The following KDM2B variants were observed in gnomAD, a reference collection of about 807,000 sequenced individuals.
KDM2B encodes the protein lysine demethylase 2B, also known as lysine-specific demethylase 2B.
A neutral mutation model predicts 150.0 loss-of-function variants in KDM2B; 26 were observed. The observed-to-expected ratio is 0.17, with a 90% confidence interval of 0.13 to 0.24. The LOEUF is 0.24. Ranked by LOEUF, KDM2B falls within the 10% of genes least tolerant of loss-of-function variation. The pLI, the probability that KDM2B is intolerant of heterozygous loss-of-function variation, is 1.00. For missense variants in KDM2B, 1,265 were observed against 1,816.9 expected (o/e 0.70, Z 5.52); for synonymous variants, 734 against 729.5 (o/e 1.01, Z -0.10).
chr12:121,448,385 T>G (rs1473995392), intron 13 of KDM2B, among the ~76,000 whole-genome samples: 2 of 145,756 alleles, frequency 1.4e-5, no homozygotes, highest in Non-Finnish European at 3.0e-5. Flanking sequence ...TCCTCTCACA[T>G]CAAACTCAGT....
At chr12:121,576,514 G>C (rs560158036) in intron 2 of KDM2B, among the ~76,000 whole-genome samples, 6 of 152,260 alleles carry the variant, frequency 3.9e-5, no homozygotes, top group Admixed American at 3.3e-4. Context: ...CTGGATAACC[G>C]GGAGGGAGGC....
At position 121,509,752 on chromosome 12, in the gene KDM2B, C is replaced by T. The variant is rs201860652; in HGVS notation, c.1462G>A (p.Val488Ile). The change falls in exon 11 of 23, where the codon GTA becomes ATA. Residue 488 changes from valine (V) to isoleucine (I), a missense_variant. By Grantham distance (29) the Val-to-Ile change is conservative (BLOSUM62 3). Transcript: ENST00000377071. ...CCGGTGGGGGTCTTGGGGTAGTCTA[C>T]GGCCAATGTGGTGGACTTCACACTT... ...EESVKSTTLA[V>I]DYPKTPTGSP... is the part of the protein sequence containing the mutation. The T allele has an allele frequency of 8.1e-6, 13 of 1,614,106 alleles. No individual in the cohort carries two copies. The highest frequency in any genetic ancestry group is 5.3e-5 in the African/African-American group (4 of 75,034).
chr12:121,488,717 G>T (rs1177859144), intron 12 of KDM2B, among the ~76,000 whole-genome samples: 1 of 152,168 alleles, frequency 6.6e-6, no homozygotes, highest in Non-Finnish European at 1.5e-5. Flanking sequence ...CGCCTCCCAG[G>T]TTCAAGCAAT....
At chr12:121,482,025 C>A (rs570384941) in intron 12 of KDM2B, among the ~76,000 whole-genome samples, 5 of 152,262 alleles carry the variant, frequency 3.3e-5, no homozygotes, top group Admixed American at 1.3e-4. Context: ...AGGTGATCCA[C>A]CCGCCTCGGC....
intron 12 of KDM2B, among the ~76,000 whole-genome samples, chr12:121,463,861 T>A (rs1879452527): frequency 6.6e-6 from 1 of 151,996 alleles, no homozygotes; most frequent in Non-Finnish European, 1.5e-5. Context: ...ATAACCGGCA[T>A]GAGCCACTGT....
chr12:121,580,969 G>A lies in KDM2B; in HGVS notation c.-58C>T. ...ATTAGCTCGGCTTCCATACCTATAA[G>A]GACTGCCTAACTTTTAAACTCCCGG... is the stretch of plus-strand genomic sequence containing the variant. On this transcript the variant is annotated 5_prime_UTR_variant, in exon 1 of 23. Transcript: ENST00000377071. 1 of 1,584,626 alleles carries A rather than the reference G, an allele frequency of 6.3e-7. No individual in the cohort carries two copies. The highest frequency in any genetic ancestry group is 1.4e-5 in the African/African-American group (1 of 73,656).
Position 121,430,557 on chromosome 12 carries a change from C to T in KDM2B, c.3830-88G>A, listed in dbSNP as rs782533527. 1.2e-6 allele frequency: 1 copy of T among 841,250 alleles called. No homozygotes were observed. The highest frequency in any genetic ancestry group is 1.4e-5 in the South Asian group (1 of 70,604). 52.1% of individuals were successfully genotyped at this position (841,250 alleles called of 1,614,324 possible). On this transcript the variant is annotated intron_variant, in intron 22 of 22. Coordinates refer to ENST00000377071, the MANE Select transcript of KDM2B (RefSeq NM_032590.5). The surrounding 1 kb of genome is among the most constrained non-coding windows in gnomAD (Gnocchi z 4.4). ...AGACCCAGGCACTCAGCAGTGGGGA[C>T]AGGTCAGAGCTCTACATATTCCAGT... is the stretch of plus-strand genomic sequence containing the variant.
intron 3 of KDM2B, 48 bp from the exon 4 acceptor site, chr12:121,574,641 G>A (rs782063695): frequency 4.5e-6 from 7 of 1,571,344 alleles, no homozygotes; most frequent in Non-Finnish European, 6.1e-6. Context: ...AGAAACAACA[G>A]AGCTAGACTA....
intron 17 of KDM2B, chr12:121,443,397 G>A (rs186294852): frequency 6.9e-6 from 4 of 577,490 alleles, no homozygotes; most frequent in Admixed American, 3.1e-5. Context: ...GACTCCTGGC[G>A]CCACCTTGTG....
chr12:121,478,110 C>A (rs1881594190), intron 12 of KDM2B, among the ~76,000 whole-genome samples: 1 of 151,434 alleles, frequency 6.6e-6, no homozygotes, highest in Non-Finnish European at 1.5e-5. Flanking sequence ...CAACAAATAA[C>A]CCTCCCGCCT....
chr12:121,458,435 A>T (rs1026203571), intron 12 of KDM2B, among the ~76,000 whole-genome samples: 9 of 151,960 alleles, frequency 5.9e-5, no homozygotes, highest in Non-Finnish European at 7.4e-5. Context: ...ACTTTTCTGC[A>T]GAAATGGACA....
At chr12:121,448,489 G>A (rs190070903) in intron 13 of KDM2B, among the ~76,000 whole-genome samples, 3 of 152,008 alleles carry the variant, frequency 2.0e-5, no homozygotes, top group East Asian at 3.9e-4. Flanking sequence ...GCATGAAGGG[G>A]TCCCTGAGAC....
At chr12:121,482,665 T>C (rs1882289545) in intron 12 of KDM2B, among the ~76,000 whole-genome samples, 1 of 152,156 alleles carries the variant, frequency 6.6e-6, no homozygotes, top group Admixed American at 6.6e-5. Flanking sequence ...AGGAGTTACA[T>C]AAAGAACAAG....
At chr12:121,550,628 G>C (rs1889414137) in intron 4 of KDM2B, among the ~76,000 whole-genome samples, 1 of 152,122 alleles carries the variant, frequency 6.6e-6, no homozygotes, top group South Asian at 2.1e-4. Context: ...TGAATAGCTG[G>C]GATTACAGGC....
At chr12:121,486,395 G>A (rs1454141982) in intron 12 of KDM2B, among the ~76,000 whole-genome samples, 1 of 120,314 alleles carries the variant, frequency 8.3e-6, no homozygotes, top group Non-Finnish European at 1.6e-5. Context: ...TGGCCAGGCT[G>A]GTCTTGAACT....
chr12:121,474,290 G>T (rs574776768), intron 12 of KDM2B, among the ~76,000 whole-genome samples: 1 of 151,952 alleles, frequency 6.6e-6, no homozygotes, highest in Non-Finnish European at 1.5e-5. Flanking sequence ...GAGGTGGGCA[G>T]ATCACGAGGT....
At chr12:121,516,703 C>A in intron 9 of KDM2B, 1 of 628,042 alleles carries the variant, frequency 1.6e-6, no homozygotes, top group Non-Finnish European at 2.8e-6. Flanking sequence ...CGGCACCTGG[C>A]CTCAGCCCTT....
At chr12:121,479,409 A>G (rs964752220) in intron 12 of KDM2B, among the ~76,000 whole-genome samples, 10 of 150,492 alleles carry the variant, frequency 6.6e-5, no homozygotes, top group South Asian at 2.1e-4. Context: ...GGAGCTTGCA[A>G]TGAGCCGAGA....
chr12:121,495,860 C>CTCA (rs1883879286), intron 11 of KDM2B, among the ~76,000 whole-genome samples: 1 of 151,572 alleles, frequency 6.6e-6, no homozygotes, highest in African/African-American at 2.4e-5. Context: ...GATGGAGTCA[C>CTCA]GTGGCCAAAT....
Sources: gnomAD v4.1 joint callset for allele counts (sites outside exome capture counted in the v4.1 genomes callset) on GRCh38, gnomAD v4.1.1 for gene constraint, Gnocchi (gnomAD v3.1) non-coding constraint, MANE v1.5 for transcripts, NCBI Gene and HGNC (gene_info 2026-07-23, HGNC 2026-07-21) for gene names.